The following TMEM269 variants were observed in gnomAD, a reference collection of about 807,000 sequenced individuals.
TMEM269 encodes transmembrane protein 269.
TMEM269 carries 12 observed loss-of-function variants against 15.8 expected under a neutral mutation model. The ratio of observed to expected loss-of-function variants is 0.76; its 90% CI spans 0.49 to 1.23. The LOEUF (loss-of-function observed/expected upper bound fraction) is 1.23. Among genes scored for constraint, TMEM269 ranks in the 50% most tolerant of loss-of-function variants. TMEM269 has a pLI of 0.00. For missense variants in TMEM269, 211 were observed against 245.4 expected (o/e 0.86, Z 0.94); for synonymous variants, 93 against 99.3 (o/e 0.94, Z 0.38).
rs202099950 is a variant in TMEM269 at position 42,789,774 on chromosome 1, G to GC, written c.-98-18dup. The GC allele has an allele frequency of 2.7e-3, 3,568 of 1,341,724 alleles. 151 individuals carry two copies. The Admixed American group carries it at 0.065, about 24-fold the overall frequency. 83.1% of individuals were successfully genotyped at this position (1,341,724 alleles called of 1,614,324 possible). On this transcript the variant is annotated intron_variant, in intron 1 of 5. Transcript: ENST00000637012. ...GACTCCTTAACCTTGGGAACCCTTC[G>GC]CCCCTCTCTCTTGGGCCCCAGGTAA... is the stretch of plus-strand genomic sequence containing the variant.
intron 2 of TMEM269, 89 bp from the exon 3 acceptor site, chr1:42,792,716 T>C (rs1475777045): frequency 9.2e-6 from 7 of 759,000 alleles, no homozygotes; most frequent in Non-Finnish European, 1.6e-5. Context: ...TATTAGTGTA[T>C]ACTAATATAC....
In TMEM269 at chr1:42,792,913, G is replaced by T. The variant is rs1407116906; in HGVS notation, c.139+11G>T. ...TATGCTCCAAATTGGGTGAGTTCAG[G>T]CCCCAGGCCCCTAATCCTTGCCCCC... On this transcript the variant is annotated intron_variant, in intron 3 of 5. Coordinates refer to ENST00000637012, the MANE Select transcript of TMEM269 (RefSeq NM_001354602.2). 4 of 1,544,022 alleles carry T rather than the reference G, an allele frequency of 2.6e-6. No individual in the cohort carries two copies. Among genetic ancestry groups the T allele is most frequent in the Non-Finnish European group, 2.6e-6 (3 of 1,141,354 alleles).
At position 42,798,867 on chromosome 1, in the gene TMEM269, CCG is replaced by C; in HGVS notation, c.*645_*646del. On this transcript the variant is annotated 3_prime_UTR_variant, in exon 6 of 6. Coordinates refer to ENST00000637012, the MANE Select transcript of TMEM269 (RefSeq NM_001354602.2). ...CACGCCATTCTCCTGCCTCAGCCTC[CCG>C]CGTAGCTGGGACTACAGGCTCCCGC... 6.6e-6 allele frequency: 1 copy of C among 151,864 alleles called. No homozygotes were observed. Among genetic ancestry groups the C allele is most frequent in the Admixed American group, 6.6e-5 (1 of 15,206 alleles). The allele number at this position is 151,864 out of a possible 1,614,324, so 9.4% of individuals were successfully genotyped here.
At chr1:42,790,596 CTTT>C (rs34731755) in intron 2 of TMEM269, among the ~76,000 whole-genome samples, 38 of 136,936 alleles carry the variant, frequency 2.8e-4, no homozygotes, top group African/African-American at 3.5e-4. Flanking sequence ...TTTTAAGAAA[CTTT>C]TTTTTTTTTT....
At chr1:42,790,045 C>G in intron 2 of TMEM269, 111 bp downstream of exon 2, 1 of 803,552 alleles carries the variant, frequency 1.2e-6, no homozygotes, top group Admixed American at 2.1e-5. Flanking sequence ...CCACAGTGTA[C>G]CCAGGGTAAG....
At chr1:42,789,325 G>A in intron 1 of TMEM269, 4 of 927,412 alleles carry the variant, frequency 4.3e-6, no homozygotes, top group Non-Finnish European at 5.0e-6. Flanking sequence ...CTCAGCTGCA[G>A]CCCTGTGCTT....
At chr1:42,795,845 C>T (rs1653783449) in intron 5 of TMEM269, among the ~76,000 whole-genome samples, 1 of 152,200 alleles carries the variant, frequency 6.6e-6, no homozygotes, top group African/African-American at 2.4e-5. Context: ...ATAGGGTCTT[C>T]GGTTTCATCC....
Position 42,798,254 on chromosome 1 carries a change from C to G in TMEM269, c.*29C>G, listed in dbSNP as rs768875181. ...AGCTAAGCAGCTCTACCAGCTCCTG[C>G]CGGCCTCTGTGGGGTTTGTGTCAGC... On this transcript the variant is annotated 3_prime_UTR_variant, in exon 6 of 6. Transcript: ENST00000637012. The G allele has an allele frequency of 1.1e-5, 17 of 1,541,438 alleles. No individual in the cohort carries two copies. The highest frequency in any genetic ancestry group is 1.5e-5 in the Non-Finnish European group (17 of 1,146,822).
intron 3 of TMEM269, 91 bp from the exon 4 acceptor site, chr1:42,793,510 C>T (rs556915686): frequency 2.2e-5 from 30 of 1,359,660 alleles, no homozygotes; most frequent in Middle Eastern, 4.5e-4. Context: ...CAGGACCCCT[C>T]TTATCACTAC....
rs149685759 is a variant in TMEM269 at position 42,796,233 on chromosome 1, T to A, written c.484+1620T>A. The stretch of plus-strand genomic sequence containing the variant: ...TCCTATCTCATAACAGTAGTATTGC[T>A]TAGTGTTCTTCGCTCCTGTAGATAC... On this transcript the variant is annotated intron_variant, in intron 5 of 5. Transcript: ENST00000637012. Among the ~76,000 whole-genome samples the A allele has an allele frequency of 2.6e-5, 4 of 152,322 alleles. No homozygotes were observed. In the East Asian group the frequency reaches 7.7e-4, roughly 29 times the overall value.
chr1:42,794,321 G>C, intron 4 of TMEM269, 92 bp from the exon 5 acceptor site: 1 of 896,404 alleles, frequency 1.1e-6, no homozygotes, highest in Non-Finnish European at 1.7e-6. Context: ...TGTATCCTGG[G>C]TAGGGGAATA....
chr1:42,785,876 T>C, intron 1 of TMEM269, among the ~76,000 whole-genome samples: 1 of 152,298 alleles, frequency 6.6e-6, no homozygotes, highest in Admixed American at 6.5e-5. Context: ...CACAACAGCT[T>C]GCACATCCCC....
intron 2 of TMEM269, among the ~76,000 whole-genome samples, 181 bp from the exon 3 acceptor site, chr1:42,792,621 AAGC>A (rs1485702934): frequency 1.3e-5 from 2 of 152,224 alleles, no homozygotes; most frequent in East Asian, 1.9e-4. Context: ...GTGGTGCAAA[AAGC>A]AGCATATATC....
intron 5 of TMEM269, 34 bp from the exon 6 acceptor site, chr1:42,798,064 A>G (rs1425918213): frequency 6.4e-7 from 1 of 1,550,882 alleles, no homozygotes; most frequent in Admixed American, 2.0e-5. Context: ...ACAGCTTCCT[A>G]GAAATTGAGT....
rs577757786 is a variant in TMEM269, at chr1:42,798,330, T to C, written c.*105T>C. 2.1e-6 allele frequency: 3 copies of C among 1,397,774 alleles called. No individual in the cohort carries two copies. The highest frequency in any genetic ancestry group is 1.4e-5 in the African/African-American group (1 of 69,680). 86.6% of individuals were successfully genotyped at this position (1,397,774 alleles called of 1,614,324 possible). On this transcript the variant is annotated 3_prime_UTR_variant, in exon 6 of 6. Coordinates refer to ENST00000637012, the MANE Select transcript of TMEM269 (RefSeq NM_001354602.2). Reference sequence around the variant, plus strand: ...CTTTGTATGTACCTGTGTTGCCATATACTAGATATATGGTATGTCTGTTGC... The same window carrying C: ...CTTTGTATGTACCTGTGTTGCCATACACTAGATATATGGTATGTCTGTTGC...
Position 42,798,285 on chromosome 1 carries a change from G to T in TMEM269, c.*60G>T, listed in dbSNP as rs1450269836. ...TCTGTGGGGTTTGTGTCAGCATATT[G>T]GGTCAAGCCTGCACTAAAGCTTTGT... On this transcript the variant is annotated 3_prime_UTR_variant, in exon 6 of 6. Coordinates refer to ENST00000637012, the MANE Select transcript of TMEM269 (RefSeq NM_001354602.2). 1 of 1,535,232 alleles carries T rather than the reference G, an allele frequency of 6.5e-7. No homozygotes were observed. Among genetic ancestry groups the T allele is most frequent in the Admixed American group, 2.0e-5 (1 of 50,880 alleles).
At chr1:42,794,280 C>G in intron 4 of TMEM269, 133 bp from the exon 5 acceptor site, 1 of 659,442 alleles carries the variant, frequency 1.5e-6, no homozygotes, top group Non-Finnish European at 2.6e-6. Flanking sequence ...TGATTTTCAG[C>G]CTGCCACTGC....
At chr1:42,785,413 C>T (rs1557589940) in intron 1 of TMEM269, among the ~76,000 whole-genome samples, 1 of 152,302 alleles carries the variant, frequency 6.6e-6, no homozygotes, top group East Asian at 1.9e-4. Context: ...GCCGCCCCGC[C>T]ACTCAGTTAG....
At chr1:42,790,020 C>A in intron 2 of TMEM269, 86 bp downstream of exon 2, 6 of 1,031,492 alleles carry the variant, frequency 5.8e-6, no homozygotes, top group Non-Finnish European at 8.8e-6. Context: ...AGAGCAGGCA[C>A]TGAGGCATAG....
Sources: allele counts gnomAD v4.1 joint callset (sites outside exome capture counted in the v4.1 genomes callset), GRCh38; gene constraint gnomAD v4.1.1; transcripts MANE v1.5; gene names NCBI Gene and HGNC (gene_info 2026-07-23, HGNC 2026-07-21).